The following PRSS16 variants were observed in gnomAD, a reference collection of about 807,000 sequenced individuals.
PRSS16 encodes the protein thymus-specific serine protease.
In PRSS16, 43 loss-of-function variants were observed where a neutral mutation model predicts 61.7. That is an observed-to-expected ratio of 0.70 (90% CI 0.55 to 0.90). The LOEUF (loss-of-function observed/expected upper bound fraction) is 0.90. Among genes scored for constraint, PRSS16 ranks in the 40% least tolerant of loss-of-function variants. PRSS16 has a pLI of 0.00. For missense variants in PRSS16, 591 were observed against 659.1 expected (o/e 0.90, Z 1.13); for synonymous variants, 273 against 285.2 (o/e 0.96, Z 0.43).
intron 3 of PRSS16, 64 bp downstream of exon 3, chr6:27,249,010 T>C: frequency 1.3e-6 from 2 of 1,532,564 alleles, no homozygotes; most frequent in Non-Finnish European, 1.8e-6. Context: ...GGGAGCTGCA[T>C]ATTGCAATGC....
At position 27,252,880 on chromosome 6, in the gene PRSS16, A is replaced by T; in HGVS notation, c.1081A>T (p.Thr361Ser). The change falls in exon 9 of 12, where the codon ACA becomes TCA. Residue 361 changes from threonine to serine, a missense_variant. Thr to Ser is a moderately conservative substitution (Grantham distance 58, BLOSUM62 1). Coordinates refer to ENST00000230582, the MANE Select transcript of PRSS16 (RefSeq NM_005865.4). This position sits in a 1 kb window ranked among gnomAD's most constrained non-coding sequence, Gnocchi z 4.2. ...AGAGACAGTGGCACAGCTGAGGAGCACAGAACCTCAACTGTCTGGTGTGGG... is the reference window on the plus strand; with the variant it reads ...AGAGACAGTGGCACAGCTGAGGAGCTCAGAACCTCAACTGTCTGGTGTGGG... ...RAETVAQLRS[T>S]EPQLSGVGDR... is the part of the protein sequence containing the mutation. 1 of 1,614,182 alleles carries T rather than the reference A, an allele frequency of 6.2e-7. No individual in the cohort carries two copies. Among genetic ancestry groups the T allele is most frequent in the Non-Finnish European group, 8.5e-7 (1 of 1,180,012 alleles).
Position 27,249,132 on chromosome 6 carries a change from G to A in PRSS16, c.370G>A (p.Ala124Thr), listed in dbSNP as rs149942995. The change falls in exon 4 of 12, where the codon GCC (alanine) becomes ACC (threonine). Residue 124 changes from alanine (A) to threonine (T), a missense_variant. Physicochemically the swap from Ala to Thr is moderately conservative, Grantham distance 58. Transcript: ENST00000230582. ...HPAALAPAWG[A>T]LVISLEHRFY... ...CGCAGCCTTGGCCCCAGCCTGGGGC[G>A]CCCTGGTGATAAGCCTGGAACACAG... The A allele has an allele frequency of 2.0e-5, 32 of 1,598,944 alleles. No individual in the cohort carries two copies. The highest frequency in any genetic ancestry group is 4.5e-5 in the East Asian group (2 of 44,486).
chr6:27,251,559 G>A lies in PRSS16; in HGVS notation c.718-191G>A, dbSNP rs1039476167. On this transcript the variant is annotated intron_variant, in intron 7 of 11. Transcript: ENST00000230582. The surrounding 1 kb of genome is among the most constrained non-coding windows in gnomAD (Gnocchi z 5.6). ...AGGACGGGGCCTGCAGGGAAGACCC[G>A]AGAAGGAGGGCTGCGAGGCAGGGGA... The A allele has an allele frequency of 6.8e-6, 5 of 730,308 alleles. No homozygotes were observed. The African/African-American group carries it at 7.4e-5, about 11-fold the overall frequency. 45.2% of individuals were successfully genotyped at this position (730,308 alleles called of 1,614,324 possible).
At position 27,251,053 on chromosome 6, in the gene PRSS16, C is replaced by T; in HGVS notation, c.603C>T (p.Leu201=). 1.2e-6 allele frequency: 2 copies of T among 1,613,998 alleles called. No homozygotes were observed. Among genetic ancestry groups the T allele is most frequent in the East Asian group, 2.2e-5 (1 of 44,876 alleles). ...AAWARLKFPH[L]IFASVASSAP... is the part of the protein sequence containing the mutation. ...GTCTCCTCCCTTAGTTCCCCCATCT[C>T]ATTTTCGCGTCGGTCGCCTCCTCCG... Residue 201 remains leucine (L), a synonymous_variant, in exon 6 of 12, where the codon CTC becomes CTT. Transcript: ENST00000230582. This position sits in a 1 kb window ranked among gnomAD's most constrained non-coding sequence, Gnocchi z 5.6.
Position 27,254,606 on chromosome 6 carries a change from A to G in PRSS16, c.1151-87A>G, listed in dbSNP as rs1263773049. On this transcript the variant is annotated intron_variant, in intron 9 of 11. Coordinates refer to ENST00000230582, the MANE Select transcript of PRSS16 (RefSeq NM_005865.4). Reference sequence around the variant, plus strand: ...AGGGAGTATTAGAAATGTTCTGGTCATCACTGAGGAAAGCTTTGAAAATGA... The same window carrying G: ...AGGGAGTATTAGAAATGTTCTGGTCGTCACTGAGGAAAGCTTTGAAAATGA... The G allele has an allele frequency of 5.4e-6, 7 of 1,289,700 alleles. No homozygotes were observed. In the African/African-American group the frequency reaches 5.9e-5, roughly 11 times the overall value. The allele number at this position is 1,289,700 out of a possible 1,614,324, so 79.9% of individuals were successfully genotyped here.
Position 27,255,470 on chromosome 6 carries a change from C to T in PRSS16, c.*155C>T, listed in dbSNP as rs1277044973. On this transcript the variant is annotated 3_prime_UTR_variant, in exon 12 of 12. Coordinates refer to ENST00000230582, the MANE Select transcript of PRSS16 (RefSeq NM_005865.4). The surrounding 1 kb of genome is among the most constrained non-coding windows in gnomAD (Gnocchi z 4.4). Reference sequence around the variant, plus strand: ...GTAATTGGCATGTGTCTGCAAACATCCTTATTCCCAACTTAAAGTGCTTTA... The same window carrying T: ...GTAATTGGCATGTGTCTGCAAACATTCTTATTCCCAACTTAAAGTGCTTTA... 1.4e-6 allele frequency: 1 copy of T among 702,066 alleles called. No individual in the cohort carries two copies. The highest frequency in any genetic ancestry group is 1.8e-5 in the African/African-American group (1 of 55,564). The allele number at this position is 702,066 out of a possible 1,614,324, so 43.5% of individuals were successfully genotyped here.
In PRSS16 at chr6:27,252,943, G is replaced by T. The variant is rs749022210; in HGVS notation, c.1144G>T (p.Gly382Cys). 5 of 1,614,012 alleles carry T rather than the reference G, an allele frequency of 3.1e-6. No individual in the cohort carries two copies. The highest frequency in any genetic ancestry group is 2.7e-5 in the African/African-American group (2 of 74,888). The change falls in exon 9 of 12, where the codon GGC becomes TGC. Residue 382 changes from glycine (G) to cysteine (C), a missense_variant. By Grantham distance (159) the Gly-to-Cys change is radical. Coordinates refer to ENST00000230582, the MANE Select transcript of PRSS16 (RefSeq NM_005865.4). This position sits in a 1 kb window ranked among gnomAD's most constrained non-coding sequence, Gnocchi z 4.2. Reference sequence around the variant, plus strand: ...GTTGTATCAGACATGTACCGAGTTCGGCTTCTGTAAGTGACTGGCCTAACC... The same window carrying T: ...GTTGTATCAGACATGTACCGAGTTCTGCTTCTGTAAGTGACTGGCCTAACC... ...QWLYQTCTEF[G>C]FYVTCENPRC...
At chr6:27,250,965 G>A (rs1038133451) in intron 5 of PRSS16, 77 bp from the exon 6 acceptor site, 127 of 1,589,410 alleles carry the variant, frequency 8.0e-5, no homozygotes, top group Non-Finnish European at 1.0e-4. Context: ...ATTACACAGC[G>A]AGTAAGTGAC....
chr6:27,250,807 G>A lies in PRSS16; in HGVS notation c.591+1G>A. Reference sequence around the variant, plus strand: ...CTTGGCCGCCTGGGCCCGGCTGAAGGTCCTGCGACTCCTCCGGGTGGGCTG... The same window carrying A: ...CTTGGCCGCCTGGGCCCGGCTGAAGATCCTGCGACTCCTCCGGGTGGGCTG... On this transcript the variant is annotated splice_donor_variant, in intron 5 of 11. Transcript: ENST00000230582. LOFTEE classifies it high-confidence loss of function. 1 of 1,606,750 alleles carries A rather than the reference G, an allele frequency of 6.2e-7. No homozygotes were observed. Among genetic ancestry groups the A allele is most frequent in the Non-Finnish European group, 8.5e-7 (1 of 1,176,860 alleles).
rs895657881 is a variant in PRSS16 at position 27,248,870 on chromosome 6, T to C, written c.261T>C (p.His87=). The C allele has an allele frequency of 2.2e-5, 35 of 1,611,868 alleles. No homozygotes were observed. Among genetic ancestry groups the C allele is most frequent in the East Asian group, 6.7e-5 (3 of 44,854 alleles). The change falls in exon 3 of 12, where the codon CAT becomes CAC. Residue 87 remains histidine (H), a synonymous_variant. Coordinates refer to ENST00000230582, the MANE Select transcript of PRSS16 (RefSeq NM_005865.4). ...FLQRYWVNDQ[H]WVGQDGPIFL... ...AGCGTTACTGGGTGAATGACCAACA[T>C]TGGGTTGGCCAGGATGGACCCATAT...
chr6:27,253,160 C>T, intron 9 of PRSS16: 1 of 589,654 alleles, frequency 1.7e-6, no homozygotes. Flanking sequence ...ACTGAGGTCT[C>T]CACTTGAGTG....
At chr6:27,250,996 G>T (rs767432579) in intron 5 of PRSS16, 46 bp from the exon 6 acceptor site, 5 of 1,605,892 alleles carry the variant, frequency 3.1e-6, no homozygotes, top group Non-Finnish European at 2.6e-6. Flanking sequence ...AAAGATATGC[G>T]ATTCCAACCC....
At position 27,249,186 on chromosome 6, in the gene PRSS16, G is replaced by A; in HGVS notation, c.424G>A (p.Gly142Ser). The change falls in exon 4 of 12, where the codon GGC (glycine) becomes AGC (serine). Residue 142 changes from glycine to serine, a missense_variant. Gly to Ser is a moderately conservative substitution (Grantham distance 56). Coordinates refer to ENST00000230582, the MANE Select transcript of PRSS16 (RefSeq NM_005865.4). ...RFYGLSIPAGGLEMAQLRFLS... is the reference protein window; with the variant it reads ...RFYGLSIPAGSLEMAQLRFLS... ...TTATGGCCTGAGTATACCTGCTGGA[G>A]GCCTGGAAATGGCCCAGCTCCGCTT... is the stretch of plus-strand genomic sequence containing the variant. 2 of 1,613,504 alleles carry A rather than the reference G, an allele frequency of 1.2e-6. No homozygotes were observed. The highest frequency in any genetic ancestry group is 1.3e-5 in the African/African-American group (1 of 74,802).
In PRSS16 at chr6:27,255,324, C is replaced by T; in HGVS notation, c.*9C>T. On this transcript the variant is annotated 3_prime_UTR_variant, in exon 12 of 12. Transcript: ENST00000230582. The surrounding 1 kb of genome is among the most constrained non-coding windows in gnomAD (Gnocchi z 4.4). Reference sequence around the variant, plus strand: ...TTAAGGGTGAAGTCTGAATCTCATACCCTTTCCACTCCCTGCATGGTCACC... The same window carrying T: ...TTAAGGGTGAAGTCTGAATCTCATATCCTTTCCACTCCCTGCATGGTCACC... The T allele has an allele frequency of 6.3e-7, 1 of 1,599,894 alleles. No individual in the cohort carries two copies. Among genetic ancestry groups the T allele is most frequent in the Non-Finnish European group, 8.5e-7 (1 of 1,169,888 alleles).
chr6:27,253,514 G>A (rs1376740369), intron 9 of PRSS16: 1 of 452,518 alleles, frequency 2.2e-6, no homozygotes, highest in Non-Finnish European at 4.4e-6. Flanking sequence ...TGTCCCTCCT[G>A]TACTCAAAAC....
chr6:27,252,897 T>A lies in PRSS16; in HGVS notation c.1098T>A (p.Ser366=). The A allele has an allele frequency of 3.7e-6, 6 of 1,614,214 alleles. No homozygotes were observed. Among genetic ancestry groups the A allele is most frequent in the Non-Finnish European group, 5.1e-6 (6 of 1,180,042 alleles). The change falls in exon 9 of 12, where the codon TCT becomes TCA. Residue 366 remains serine (S), a synonymous_variant. Transcript: ENST00000230582. This position sits in a 1 kb window ranked among gnomAD's most constrained non-coding sequence, Gnocchi z 4.2. ...TGAGGAGCACAGAACCTCAACTGTC[T>A]GGTGTGGGTGACCGGCAGTGGTTGT... is the stretch of plus-strand genomic sequence containing the variant. ...AQLRSTEPQL[S]GVGDRQWLYQ...
chr6:27,251,357 A>C lies in PRSS16; in HGVS notation c.717+93A>C. On this transcript the variant is annotated intron_variant, in intron 7 of 11. Transcript: ENST00000230582. The surrounding 1 kb of genome is among the most constrained non-coding windows in gnomAD (Gnocchi z 5.6). Reference sequence around the variant, plus strand: ...AGGCCAGAGAAGGGCGAAACCTGCAACGTGGCGGGGTCTAAGGAAGGTCGG... The same window carrying C: ...AGGCCAGAGAAGGGCGAAACCTGCACCGTGGCGGGGTCTAAGGAAGGTCGG... 6.9e-7 allele frequency: 1 copy of C among 1,447,234 alleles called. No homozygotes were observed. The highest frequency in any genetic ancestry group is 9.2e-7 in the Non-Finnish European group (1 of 1,083,228). 89.6% of individuals were successfully genotyped at this position (1,447,234 alleles called of 1,614,324 possible). A position where few individuals can be genotyped will look rare whatever the true frequency, so the allele number is the denominator to read the frequency against.
intron 5 of PRSS16, 52 bp downstream of exon 5, chr6:27,250,858 C>A: frequency 6.4e-7 from 1 of 1,571,896 alleles, no homozygotes; most frequent in South Asian, 1.2e-5. Flanking sequence ...GACTCCAGGG[C>A]CCCAGTCTCA....
Position 27,251,609 on chromosome 6 carries a change from G to C in PRSS16, c.718-141G>C. On this transcript the variant is annotated intron_variant, in intron 7 of 11. Transcript: ENST00000230582. The surrounding 1 kb of genome is among the most constrained non-coding windows in gnomAD (Gnocchi z 5.6). ...ATTGGGGGCGGGGGCCTGGGGGCGGGGGCCTGGGCCAAGAGCTAGGTCTGC... is the reference window on the plus strand; with the variant it reads ...ATTGGGGGCGGGGGCCTGGGGGCGGCGGCCTGGGCCAAGAGCTAGGTCTGC... 2 of 1,117,854 alleles carry C rather than the reference G, an allele frequency of 1.8e-6. No homozygotes were observed. The highest frequency in any genetic ancestry group is 2.4e-6 in the Non-Finnish European group (2 of 821,712). The allele number at this position is 1,117,854 out of a possible 1,614,324, so 69.2% of individuals were successfully genotyped here.
Sources: gnomAD v4.1 joint callset for allele counts on GRCh38, gnomAD v4.1.1 for gene constraint, Gnocchi (gnomAD v3.1) non-coding constraint, MANE v1.5 for transcripts, NCBI Gene and HGNC (gene_info 2026-07-23, HGNC 2026-07-21) for gene names.